Variants in C17orf58 observed in about 807,000 individuals in gnomAD.
C17orf58 encodes the protein chromosome 17 open reading frame 58.
C17orf58 carries 5 observed loss-of-function variants against 7.4 expected under a neutral mutation model. That is an observed-to-expected ratio of 0.67 (90% CI 0.35 to 1.42). C17orf58 has a LOEUF of 1.42. Ranked by LOEUF, C17orf58 falls within the 40% of genes most tolerant of loss-of-function variation. The probability of loss-of-function intolerance (pLI) is 0.04; values close to 1 mark genes in which losing one functional copy is unlikely to be tolerated. For synonymous variants in C17orf58, 60 were observed against 70.6 expected, an observed-to-expected ratio of 0.85 and a Z score of 0.75; for missense variants, 162 against 174.2, an observed-to-expected ratio of 0.93 and a Z score of 0.40.
rs1461862154 is a variant in C17orf58, at chr17:67,993,695, G to T, written c.366C>A (p.Asp122Glu). 1 of 146,602 alleles carries T rather than the reference G, an allele frequency of 6.8e-6. No homozygotes were observed. Among genetic ancestry groups the T allele is most frequent in the Non-Finnish European group, 1.5e-5 (1 of 65,946 alleles). The allele number at this position is 146,602 out of a possible 1,614,324, so 9.1% of individuals were successfully genotyped here. ...CCCGTGAGCGCGCGCGTCGCGGGGC[G>T]TCCTCCGACGCGGGCTCGCGGCGCG... ...ASPRREPASE[D>E]APRRARSRAL... The change falls in exon 2 of 4, where the codon GAC becomes GAA. Residue 122 changes from aspartate to glutamate, a missense_variant. This residue lies in a region of C17orf58 where 93 missense variants were observed against 90.4 expected (regional missense o/e 1.03). Coordinates refer to ENST00000580729, the MANE Select transcript of C17orf58 (RefSeq NM_001382359.1). The surrounding 1 kb of genome is among the most constrained non-coding windows in gnomAD (Gnocchi z 5.1).
chr17:67,995,613 G>A (rs1322605575), intron 1 of C17orf58, among the ~76,000 whole-genome samples: 3 of 152,266 alleles, frequency 2.0e-5, no homozygotes, highest in African/African-American at 7.2e-5. Flanking sequence ...GTGCGTGTTA[G>A]TTAAACCCCG....
chr17:67,993,957 T>A lies in C17orf58; in HGVS notation c.104A>T (p.Asp35Val). 2.6e-6 allele frequency: 1 copy of A among 391,446 alleles called. No homozygotes were observed. Among genetic ancestry groups the A allele is most frequent in the Non-Finnish European group, 4.5e-6 (1 of 223,412 alleles). The allele number at this position is 391,446 out of a possible 1,614,324, so 24.2% of individuals were successfully genotyped here. A position where few individuals can be genotyped will look rare whatever the true frequency, so the allele number is the denominator to read the frequency against. Reference sequence around the variant, plus strand: ...CTCCGCGCTCGGGCAGCCGCGGGAGTCCGGCTTTCTGCTGTGCGGCGGCGA... The same window carrying A: ...CTCCGCGCTCGGGCAGCCGCGGGAGACCGGCTTTCTGCTGTGCGGCGGCGA... Reference protein sequence around the residue: ...KTSPPHSRKPDSRGCPSAEET... With the variant: ...KTSPPHSRKPVSRGCPSAEET... Residue 35 changes from aspartate to valine, a missense_variant, in exon 2 of 4, where the codon GAC (aspartate) becomes GTC (valine). Physicochemically the swap from Asp to Val is radical, Grantham distance 152. Coordinates refer to ENST00000580729, the MANE Select transcript of C17orf58 (RefSeq NM_001382359.1). This position sits in a 1 kb window ranked among gnomAD's most constrained non-coding sequence, Gnocchi z 5.1.
Position 67,993,212 on chromosome 17 carries a change from C to T in C17orf58, c.661G>A (p.Val221Met). Reference protein sequence around the residue: ...EFAVNGIVHDVDVLGAGIRLV... With the variant: ...EFAVNGIVHDMDVLGAGIRLV... ...CGGATGCCCGCGCCCAGCACGTCCA[C>T]ATCGTGCACGATCCCGTTCACCGCT... The change falls in exon 3 of 4, where the codon GTG (valine) becomes ATG (methionine). Residue 221 changes from valine to methionine, a missense_variant. Coordinates refer to ENST00000580729, the MANE Select transcript of C17orf58 (RefSeq NM_001382359.1). The surrounding 1 kb of genome is among the most constrained non-coding windows in gnomAD (Gnocchi z 5.1). The T allele has an allele frequency of 6.2e-7, 1 of 1,600,484 alleles. No homozygotes were observed. The highest frequency in any genetic ancestry group is 8.5e-7 in the Non-Finnish European group (1 of 1,171,054).
Position 67,993,225 on chromosome 17 carries a change from C to A in C17orf58, c.648G>T (p.Gly216=). The change falls in exon 3 of 4, where the codon GGG becomes GGT. Residue 216 remains glycine (G), a synonymous_variant. Transcript: ENST00000580729. This position sits in a 1 kb window ranked among gnomAD's most constrained non-coding sequence, Gnocchi z 5.1. ...AFCESEFAVN[G]IVHDVDVLGA... ...CCAGCACGTCCACATCGTGCACGAT[C>A]CCGTTCACCGCTGCTTCCGAAAAAC... is the stretch of plus-strand genomic sequence containing the variant. 2 of 1,572,690 alleles carry A rather than the reference C, an allele frequency of 1.3e-6. No homozygotes were observed. The highest frequency in any genetic ancestry group is 1.8e-5 in the Admixed American group (1 of 56,330).
In C17orf58 at chr17:67,992,042, C is replaced by G. The variant is rs782125234; in HGVS notation, c.891G>C (p.Leu297=). Residue 297 remains leucine (L), a synonymous_variant, in exon 4 of 4, where the codon CTG becomes CTC. Coordinates refer to ENST00000580729, the MANE Select transcript of C17orf58 (RefSeq NM_001382359.1). ...YHKRRQLPTA[L]LQVLRGRLRP... ...GGAGGCGGCCTCTCAGGACCTGGAG[C>G]AGAGCTGTAGGGAGCTGCCGTCTCT... 1.9e-6 allele frequency: 3 copies of G among 1,612,206 alleles called. No homozygotes were observed. The highest frequency in any genetic ancestry group is 2.5e-6 in the Non-Finnish European group (3 of 1,179,276).
intron 1 of C17orf58, among the ~76,000 whole-genome samples, chr17:67,995,750 A>AG (rs1332222529): frequency 2.6e-5 from 4 of 152,024 alleles, no homozygotes; most frequent in East Asian, 1.9e-4. Flanking sequence ...CACCCAGTCG[A>AG]GGGGGGCGGA....
At chr17:67,996,083 C>G in intron 1 of C17orf58, 40 bp downstream of exon 1, 1 of 399,042 alleles carries the variant, frequency 2.5e-6, no homozygotes, top group Non-Finnish European at 4.4e-6. Flanking sequence ...CCCACAGATC[C>G]CCGCTCCGCT....
intron 1 of C17orf58, among the ~76,000 whole-genome samples, chr17:67,994,516 G>GTGTATATATA (rs1244199425): frequency 3.0e-4 from 27 of 89,534 alleles, no homozygotes; most frequent in African/African-American, 9.7e-4. Context: ...GTGTGTGTGT[G>GTGTATATATA]TATATATATA....
intron 1 of C17orf58, among the ~76,000 whole-genome samples, chr17:67,994,535 T>TATAAAA (rs71142122): frequency 9.0e-5 from 9 of 100,282 alleles, no homozygotes; most frequent in African/African-American, 2.2e-4. Flanking sequence ...TATATATATA[T>TATAAAA]AAAACATATA....
intron 3 of C17orf58, 93 bp from the exon 4 acceptor site, chr17:67,992,196 T>C: frequency 1.8e-6 from 2 of 1,086,792 alleles, no homozygotes. Flanking sequence ...TAAGCTGCAA[T>C]CTATTATCTT....
intron 1 of C17orf58, among the ~76,000 whole-genome samples, chr17:67,995,676 G>A (rs1555699726): frequency 6.6e-6 from 1 of 152,196 alleles, no homozygotes; most frequent in Non-Finnish European, 1.5e-5. Flanking sequence ...CAAAGTGCCC[G>A]GGGCTGCCGG....
Position 67,993,804 on chromosome 17 carries a change from T to C in C17orf58, c.257A>G (p.Asn86Ser), listed in dbSNP as rs1599118881. The change falls in exon 2 of 4, where the codon AAC (asparagine) becomes AGC (serine). Residue 86 changes from asparagine (N) to serine (S), a missense_variant. Asn to Ser is a conservative substitution (Grantham distance 46). This residue lies in a region of C17orf58 where 93 missense variants were observed against 90.4 expected (regional missense o/e 1.03). Coordinates refer to ENST00000580729, the MANE Select transcript of C17orf58 (RefSeq NM_001382359.1). The surrounding 1 kb of genome is among the most constrained non-coding windows in gnomAD (Gnocchi z 5.1). ...RRRKPPPPADNQASFREAARA... is the reference protein window; with the variant it reads ...RRRKPPPPADSQASFREAARA... ...TGCGGCCTCCCGGAAGCTGGCCTGG[T>C]TGTCGGCCGGCGGTGGGGGCTTCCG... is the stretch of plus-strand genomic sequence containing the variant. 2 of 251,770 alleles carry C rather than the reference T, an allele frequency of 7.9e-6. No homozygotes were observed. The highest frequency in any genetic ancestry group is 1.8e-4 in the East Asian group (2 of 10,958). The allele number at this position is 251,770 out of a possible 1,614,324, so 15.6% of individuals were successfully genotyped here.
rs782247340 is a variant in C17orf58, at chr17:67,991,833, C to A, written c.*80G>T. ...GAGGGCTCTCTTCTGAAGGAGGACC[C>A]ATTACATGAAGGTAGACCTTTCATG... On this transcript the variant is annotated 3_prime_UTR_variant, in exon 4 of 4. Transcript: ENST00000580729. 3 of 1,190,114 alleles carry A rather than the reference C, an allele frequency of 2.5e-6. No individual in the cohort carries two copies. The highest frequency in any genetic ancestry group is 2.3e-5 in the Admixed American group (1 of 43,762). The allele number at this position is 1,190,114 out of a possible 1,614,324, so 73.7% of individuals were successfully genotyped here. A position where few individuals can be genotyped will look rare whatever the true frequency, so the allele number is the denominator to read the frequency against.
rs1448137700 is a variant in C17orf58, at chr17:67,991,314, G to A, written c.*599C>T. ...ACTTTTGCCTGAAGTAAGCCCTTTA[G>A]TACTATTTTTTATTTTATTTATTTT... On this transcript the variant is annotated 3_prime_UTR_variant, in exon 4 of 4. Coordinates refer to ENST00000580729, the MANE Select transcript of C17orf58 (RefSeq NM_001382359.1). 3 of 152,134 alleles carry A rather than the reference G, an allele frequency of 2.0e-5. No homozygotes were observed. The highest frequency in any genetic ancestry group is 4.4e-5 in the Non-Finnish European group (3 of 68,026). 9.4% of individuals were successfully genotyped at this position (152,134 alleles called of 1,614,324 possible). A position where few individuals can be genotyped will look rare whatever the true frequency, so the allele number is the denominator to read the frequency against.
Position 67,991,946 on chromosome 17 carries a change from C to T in C17orf58, c.987G>A (p.Gln329=), listed in dbSNP as rs782707310. ...VKRFNRKREG[Q]IQGAIHTQCI Reference sequence around the variant, plus strand: ...ATTGGGTATGAATTGCACCTTGAATCTGCCCTTCCCTTTTTCGATTAAACC... The same window carrying T: ...ATTGGGTATGAATTGCACCTTGAATTTGCCCTTCCCTTTTTCGATTAAACC... The change falls in exon 4 of 4, where the codon CAG becomes CAA. Residue 329 remains glutamine, a synonymous_variant. Transcript: ENST00000580729. 1 of 1,612,364 alleles carries T rather than the reference C, an allele frequency of 6.2e-7. No individual in the cohort carries two copies. Among genetic ancestry groups the T allele is most frequent in the Non-Finnish European group, 8.5e-7 (1 of 1,179,190 alleles).
At chr17:67,994,516 G>A (rs77921250) in intron 1 of C17orf58, among the ~76,000 whole-genome samples, 78,229 of 88,812 alleles carry the variant, frequency 0.88, 35,425 homozygotes, top group Non-Finnish European at 0.98. Flanking sequence ...GTGTGTGTGT[G>A]TATATATATA....
At position 67,993,076 on chromosome 17, in the gene C17orf58, C is replaced by A. The variant is rs370454631; in HGVS notation, c.797G>T (p.Ser266Ile). 4.3e-6 allele frequency: 7 copies of A among 1,614,172 alleles called. No homozygotes were observed. The highest frequency in any genetic ancestry group is 1.7e-5 in the Admixed American group (1 of 60,014). The change falls in exon 3 of 4, where the codon AGC becomes ATC. Residue 266 changes from serine to isoleucine, a missense_variant. Ser to Ile is a moderately radical substitution (Grantham distance 142, BLOSUM62 -2). This residue lies in a region of C17orf58 where 93 missense variants were observed against 90.4 expected (regional missense o/e 1.03). Transcript: ENST00000580729. The surrounding 1 kb of genome is among the most constrained non-coding windows in gnomAD (Gnocchi z 5.1). ...RVHMLALDSS[S>I]CNKPCPEFKP... ...AAACTCTGGACACGGCTTATTGCAG[C>A]TGGAGGAGTCCAGGGCTAACATGTG... is the stretch of plus-strand genomic sequence containing the variant.
At chr17:67,992,397 G>A (rs1303463903) in intron 3 of C17orf58, among the ~76,000 whole-genome samples, 4 of 151,786 alleles carry the variant, frequency 2.6e-5, no homozygotes, top group Non-Finnish European at 5.9e-5. Flanking sequence ...GTGAAACCCC[G>A]TCTCTACTAA....
intron 3 of C17orf58, 94 bp from the exon 4 acceptor site, chr17:67,992,197 C>G: frequency 9.2e-7 from 1 of 1,084,392 alleles, no homozygotes. Context: ...AAGCTGCAAT[C>G]TATTATCTTG....
Sources: gnomAD v4.1 joint callset for allele counts (sites outside exome capture counted in the v4.1 genomes callset) on GRCh38, gnomAD v4.1.1 for gene constraint, gnomAD v4.1.1 regional missense constraint, Gnocchi (gnomAD v3.1) non-coding constraint, MANE v1.5 for transcripts, NCBI Gene and HGNC (gene_info 2026-07-23, HGNC 2026-07-21) for gene names.